The following TNFAIP8 variants were observed in gnomAD, a reference collection of about 807,000 sequenced individuals.
TNFAIP8 encodes the protein tumor necrosis factor alpha-induced protein 8.
Under a neutral mutation model 13.3 loss-of-function variants are expected in TNFAIP8, and 7 were observed. That is an observed-to-expected ratio of 0.52 (90% confidence interval 0.30 to 0.99). TNFAIP8 has a LOEUF of 0.99. Ranked by LOEUF, TNFAIP8 falls within the 50% of genes least tolerant of loss-of-function variation. The pLI is 0.07. For synonymous variants in TNFAIP8, 94 were observed against 87.6 expected, an observed-to-expected ratio of 1.07 and a Z score of -0.41; for missense variants, 258 against 236.9, an observed-to-expected ratio of 1.09 and a Z score of -0.58.
At chr5:119,379,718 G>A (rs574201358) in intron 1 of TNFAIP8, among the ~76,000 whole-genome samples, 16 of 152,238 alleles carry the variant, frequency 1.1e-4, no homozygotes, top group Admixed American at 2.6e-4. Context: ...AGCCTCTTGA[G>A]TAGCTGGGAC....
At chr5:119,301,304 C>T (rs138330448) in intron 1 of TNFAIP8, among the ~76,000 whole-genome samples, 17 of 152,286 alleles carry the variant, frequency 1.1e-4, no homozygotes, top group African/African-American at 4.1e-4. Flanking sequence ...CTAGAATATT[C>T]CACAATTCTT....
chr5:119,379,396 T>G (rs1348337079), intron 1 of TNFAIP8, among the ~76,000 whole-genome samples: 2 of 152,048 alleles, frequency 1.3e-5, no homozygotes, highest in Admixed American at 6.6e-5. Context: ...GAAAAGCAGG[T>G]TAGGAGAGAT....
chr5:119,368,430 C>CGT (rs376615641), intron 1 of TNFAIP8, among the ~76,000 whole-genome samples: 20,038 of 132,866 alleles, frequency 0.15, 1,596 homozygotes, highest in African/African-American at 0.26. Flanking sequence ...TTCTAAGCAG[C>CGT]GTGTGTGTGT....
chr5:119,363,258 C>T (rs1751700726), intron 1 of TNFAIP8, among the ~76,000 whole-genome samples: 1 of 152,170 alleles, frequency 6.6e-6, no homozygotes, highest in Non-Finnish European at 1.5e-5. Context: ...CAGCTAAAAC[C>T]AGGAGCCTGG....
At chr5:119,377,778 C>A (rs1227660992) in intron 1 of TNFAIP8, among the ~76,000 whole-genome samples, 1 of 152,184 alleles carries the variant, frequency 6.6e-6, no homozygotes, top group Non-Finnish European at 1.5e-5. Flanking sequence ...CACACATGCC[C>A]CTCAGTTTCC....
chr5:119,299,818 C>T (rs932447905), intron 1 of TNFAIP8, among the ~76,000 whole-genome samples: 55 of 152,110 alleles, frequency 3.6e-4, no homozygotes, highest in South Asian at 8.3e-4. Flanking sequence ...AAATGGCGGG[C>T]GCCCTTCCCC....
At chr5:119,292,370 A>C (rs1406705179) in intron 1 of TNFAIP8, among the ~76,000 whole-genome samples, 1 of 151,998 alleles carries the variant, frequency 6.6e-6, no homozygotes, top group Non-Finnish European at 1.5e-5. Flanking sequence ...TCTGTCACCA[A>C]TGAACTGTGA....
intron 1 of TNFAIP8, among the ~76,000 whole-genome samples, chr5:119,377,834 C>A (rs904319402): frequency 2.0e-5 from 3 of 152,150 alleles, no homozygotes; most frequent in Non-Finnish European, 4.4e-5. Context: ...TCCTGACTAC[C>A]CAGTAGGAGT....
At position 119,395,386 on chromosome 5, in the gene TNFAIP8, G is replaced by A. The variant is rs1753049447; in HGVS notation, c.*2005G>A. 1 of 152,298 alleles carries A rather than the reference G, an allele frequency of 6.6e-6. No individual in the cohort carries two copies. The highest frequency in any genetic ancestry group is 6.5e-5 in the Admixed American group (1 of 15,276). 9.4% of individuals were successfully genotyped at this position (152,298 alleles called of 1,614,324 possible). ...TCCAGATCTCAAACAGCAGAGGTAT[G>A]GGAAACGAAAGCCCTGGGCAGTCCA... is the stretch of plus-strand genomic sequence containing the variant. On this transcript the variant is annotated 3_prime_UTR_variant, in exon 2 of 2. Transcript: ENST00000504771.
intron 1 of TNFAIP8, among the ~76,000 whole-genome samples, chr5:119,388,259 G>A (rs1228285586): frequency 6.6e-6 from 1 of 152,162 alleles, no homozygotes; most frequent in African/African-American, 2.4e-5. Context: ...TCATACTCTG[G>A]AGCGCACTTA....
intron 1 of TNFAIP8, among the ~76,000 whole-genome samples, chr5:119,370,020 T>G (rs1172095373): frequency 6.6e-6 from 1 of 152,248 alleles, no homozygotes; most frequent in Non-Finnish European, 1.5e-5. Context: ...TCTGAAAACT[T>G]CTGTCACATC....
At chr5:119,373,096 GTCAT>G (rs1752149004) in intron 1 of TNFAIP8, among the ~76,000 whole-genome samples, 1 of 152,100 alleles carries the variant, frequency 6.6e-6, no homozygotes, top group South Asian at 2.1e-4. Flanking sequence ...TACACCTGAA[GTCAT>G]TACAGAAGAC....
At chr5:119,321,743 C>T (rs956805354) in intron 1 of TNFAIP8, among the ~76,000 whole-genome samples, 14 of 152,200 alleles carry the variant, frequency 9.2e-5, no homozygotes. Context: ...CTCCCCTGTG[C>T]TCTTGCACTG....
upstream of TNFAIP8, chr5:119,355,305 G>A (rs1319591092): frequency 1.4e-6 from 1 of 701,550 alleles, no homozygotes; most frequent in Non-Finnish European, 2.6e-6. Flanking sequence ...CTGCAGCAAT[G>A]AGTGCCCGGG....
chr5:119,310,959 C>G (rs1270141775), intron 1 of TNFAIP8, among the ~76,000 whole-genome samples: 1 of 152,180 alleles, frequency 6.6e-6, no homozygotes, highest in East Asian at 1.9e-4. Context: ...AAGCATTATA[C>G]TCCAAAGCCT....
intron 1 of TNFAIP8, among the ~76,000 whole-genome samples, chr5:119,376,518 C>A (rs933398448): frequency 2.6e-5 from 4 of 152,040 alleles, no homozygotes. Context: ...TTTGTAGCCT[C>A]TTATTTCGGT....
intron 1 of TNFAIP8, among the ~76,000 whole-genome samples, chr5:119,334,154 AC>A (rs1407769112): frequency 6.6e-5 from 10 of 151,440 alleles, no homozygotes; most frequent in Admixed American, 2.0e-4. Context: ...AAAAAAAAAA[AC>A]GGTTTACCTT....
At chr5:119,352,742 A>G (rs1006633585), upstream of TNFAIP8, among the ~76,000 whole-genome samples, 8 of 152,160 alleles carry the variant, frequency 5.3e-5, no homozygotes, top group African/African-American at 1.9e-4. Flanking sequence ...TTAAGGCATA[A>G]TTTGGAAAGA....
At chr5:119,292,685 T>TATATACAC (rs1470227218) in intron 1 of TNFAIP8, among the ~76,000 whole-genome samples, 52 of 52,314 alleles carry the variant, frequency 9.9e-4, no homozygotes, top group South Asian at 4.5e-3. Context: ...TATATATATA[T>TATATACAC]ACACACACAC....
Sources: allele counts gnomAD v4.1 joint callset (sites outside exome capture counted in the v4.1 genomes callset), GRCh38; gene constraint gnomAD v4.1.1; transcripts MANE v1.5; gene names NCBI Gene and HGNC (gene_info 2026-07-23, HGNC 2026-07-21).